The following CNTLN variants were observed in gnomAD, a reference collection of about 807,000 sequenced individuals.
CNTLN encodes centlein.
In CNTLN, 212 loss-of-function variants were observed where a neutral mutation model predicts 180.0. The observed-to-expected ratio is 1.18, with a 90% CI of 1.05 to 1.32. CNTLN has a LOEUF of 1.32. Among genes scored for constraint, CNTLN ranks in the 40% most tolerant of loss-of-function variants. The pLI is 0.00. For missense variants in CNTLN, 2,095 were observed against 1,610.9 expected (o/e 1.30, Z -5.14); for synonymous variants, 722 against 563.1 (o/e 1.28, Z -3.99).
chr9:17,515,451 C>G, the CNTLN span, among the ~76,000 whole-genome samples: 3 of 152,258 alleles, frequency 2.0e-5, no homozygotes, highest in South Asian at 6.2e-4. Flanking sequence ...GCCCTGACAT[C>G]TCCCCTGATC....
chr9:17,413,504 A>T (rs1427792106), intron 16 of CNTLN, among the ~76,000 whole-genome samples: 3 of 152,156 alleles, frequency 2.0e-5, no homozygotes, highest in Non-Finnish European at 4.4e-5. Context: ...AATATTTAAA[A>T]ACCATGTGTC....
chr9:17,523,822 C>T, the CNTLN span, among the ~76,000 whole-genome samples: 1 of 152,132 alleles, frequency 6.6e-6, no homozygotes, highest in Non-Finnish European at 1.5e-5. Context: ...AAGCTTGGTC[C>T]TATAACAGAG....
intron 18 of CNTLN, among the ~76,000 whole-genome samples, chr9:17,448,782 A>C (rs566869876): frequency 6.6e-6 from 1 of 152,302 alleles, no homozygotes; most frequent in Non-Finnish European, 1.5e-5. Context: ...ACTGCCACTC[A>C]ACTCCAGTAA....
chr9:17,473,936 A>G (rs187449750), intron 23 of CNTLN, among the ~76,000 whole-genome samples: 1 of 152,236 alleles, frequency 6.6e-6, no homozygotes, highest in African/African-American at 2.4e-5. Context: ...AGCCTTCCTT[A>G]TGATGTACTA....
chr9:17,248,009 G>A (rs1414096178), intron 5 of CNTLN, among the ~76,000 whole-genome samples: 1 of 151,840 alleles, frequency 6.6e-6, no homozygotes, highest in Admixed American at 6.6e-5. Context: ...TATTTGTAGA[G>A]ACAGGGTTTT....
chr9:17,437,048 G>A (rs1303669931), intron 18 of CNTLN, among the ~76,000 whole-genome samples: 1 of 152,142 alleles, frequency 6.6e-6, no homozygotes, highest in Non-Finnish European at 1.5e-5. Flanking sequence ...GCGTGACATA[G>A]CCTGTCTCTC....
At chr9:17,384,924 C>G (rs1384203345) in intron 13 of CNTLN, among the ~76,000 whole-genome samples, 1 of 152,152 alleles carries the variant, frequency 6.6e-6, no homozygotes, top group Non-Finnish European at 1.5e-5. Context: ...GCAGACCCTA[C>G]AGATTAAGGA....
intron 25 of CNTLN, among the ~76,000 whole-genome samples, chr9:17,488,295 A>G (rs904636308): frequency 1.3e-5 from 2 of 151,578 alleles, no homozygotes; most frequent in African/African-American, 4.9e-5. Flanking sequence ...TGCAGGTGCT[A>G]GACAAAGCCT....
intron 13 of CNTLN, among the ~76,000 whole-genome samples, chr9:17,370,816 T>TA (rs1354849641): frequency 6.6e-6 from 1 of 152,132 alleles, no homozygotes. Context: ...TAAATAATTT[T>TA]TATCAGTTTT....
intron 6 of CNTLN, among the ~76,000 whole-genome samples, chr9:17,297,728 G>A (rs1447524361): frequency 6.6e-6 from 1 of 152,176 alleles, no homozygotes; most frequent in Non-Finnish European, 1.5e-5. Flanking sequence ...TGGCAGTTGT[G>A]CTTTAAGGAA....
intron 25 of CNTLN, among the ~76,000 whole-genome samples, chr9:17,496,127 A>G (rs1299287203): frequency 6.6e-6 from 1 of 152,114 alleles, no homozygotes; most frequent in Non-Finnish European, 1.5e-5. Context: ...ATTCATCCAG[A>G]TTCTGGAGCA....
chr9:17,319,367 G>C (rs1348309330), intron 8 of CNTLN, among the ~76,000 whole-genome samples: 3 of 152,206 alleles, frequency 2.0e-5, no homozygotes, highest in Non-Finnish European at 4.4e-5. Context: ...GATGGAGCTG[G>C]TCTAGCGATC....
At chr9:17,294,926 G>GA (rs1374700110) in intron 6 of CNTLN, among the ~76,000 whole-genome samples, 1 of 121,288 alleles carries the variant, frequency 8.2e-6, no homozygotes, top group Non-Finnish European at 1.8e-5. Context: ...GGAGTGGGGG[G>GA]AGGGCGGGGG....
chr9:17,187,070 A>G (rs1821476507), intron 2 of CNTLN, among the ~76,000 whole-genome samples: 1 of 152,040 alleles, frequency 6.6e-6, no homozygotes, highest in Non-Finnish European at 1.5e-5. Context: ...CCCCTGATCT[A>G]CCTGCATTTT....
Position 17,299,823 on chromosome 9 carries a change from CA to C in CNTLN, c.1146+1472del, listed in dbSNP as rs1307943719. The C allele has an allele frequency of 4.1e-6, 4 of 983,044 alleles. No homozygotes were observed. In the African/African-American group the frequency reaches 5.2e-5, roughly 13 times the overall value. 60.9% of individuals were successfully genotyped at this position (983,044 alleles called of 1,614,324 possible). ...ATTGATGACTTTCTGTTGCTTGGAA[CA>C]TTTTTTTTCTGTTGCTTGAAACATT... On this transcript the variant is annotated intron_variant, in intron 7 of 25. Coordinates refer to ENST00000380647, the MANE Select transcript of CNTLN (RefSeq NM_017738.4).
At chr9:17,237,399 ACACACACG>A (rs1825218327) in intron 5 of CNTLN, among the ~76,000 whole-genome samples, 2 of 142,244 alleles carry the variant, frequency 1.4e-5, no homozygotes, top group Admixed American at 7.0e-5. Flanking sequence ...ACACACACAC[ACACACACG>A]GTTAGTCAAC....
intron 7 of CNTLN, chr9:17,301,756 A>C: frequency 1.0e-6 from 1 of 963,824 alleles, no homozygotes; most frequent in Non-Finnish European, 1.2e-6. Flanking sequence ...GTTAGTAGAC[A>C]TTACAATTGT....
At chr9:17,356,459 G>A (rs929042868) in intron 12 of CNTLN, among the ~76,000 whole-genome samples, 9 of 152,158 alleles carry the variant, frequency 5.9e-5, no homozygotes, top group African/African-American at 2.2e-4. Context: ...TGTCTTGAAT[G>A]CTTCAGAGTC....
chr9:17,143,675 G>A (rs2131442871), intron 2 of CNTLN, among the ~76,000 whole-genome samples: 1 of 152,246 alleles, frequency 6.6e-6, no homozygotes, highest in African/African-American at 2.4e-5. Flanking sequence ...AACCTTAAAA[G>A]TTGGCGAAGT....
Sources: gnomAD v4.1 joint callset for allele counts (sites outside exome capture counted in the v4.1 genomes callset) on GRCh38, gnomAD v4.1.1 for gene constraint, MANE v1.5 for transcripts, NCBI Gene and HGNC (gene_info 2026-07-23, HGNC 2026-07-21) for gene names.